The following CFAP61 variants were observed in gnomAD, a reference collection of about 807,000 sequenced individuals.
CFAP61 encodes cilia- and flagella-associated protein 61.
Under a neutral mutation model 135.6 loss-of-function variants are expected in CFAP61, and 107 were observed. The observed-to-expected ratio is 0.79, with a 90% CI of 0.67 to 0.93. The LOEUF (loss-of-function observed/expected upper bound fraction) is 0.93, where lower values mean the gene tolerates loss of function less well. CFAP61 is among the 40% of genes least tolerant of loss of function. The pLI, the probability that CFAP61 is intolerant of heterozygous loss-of-function variation, is 0.00. For missense variants in CFAP61, 1,507 were observed against 1,556.2 expected (o/e 0.97, Z 0.53); for synonymous variants, 575 against 578.5 (o/e 0.99, Z 0.09).
At chr20:20,178,783 A>AT (rs2054828550) in intron 13 of CFAP61, among the ~76,000 whole-genome samples, 1 of 152,098 alleles carries the variant, frequency 6.6e-6, no homozygotes, top group African/African-American at 2.4e-5. Flanking sequence ...GTGTTTTAAC[A>AT]TCGTCAGTCC....
At chr20:20,199,617 T>C (rs2056498042) in intron 16 of CFAP61, 151 bp from the exon 17 acceptor site, 3 of 718,214 alleles carry the variant, frequency 4.2e-6, no homozygotes, top group Middle Eastern at 5.0e-4. Context: ...ATTCCTCTGC[T>C]CGAAGAGTAT....
intron 25 of CFAP61, among the ~76,000 whole-genome samples, chr20:20,323,844 A>G (rs1294424742): frequency 6.6e-6 from 1 of 152,208 alleles, no homozygotes; most frequent in Non-Finnish European, 1.5e-5. Context: ...CAATGTATAT[A>G]TAAACAATAT....
intron 20 of CFAP61, chr20:20,259,888 T>G (rs1047729275): frequency 6.7e-6 from 1 of 149,116 alleles, no homozygotes. Flanking sequence ...CACTGTGCTA[T>G]GGCAAATCAG....
intron 19 of CFAP61, among the ~76,000 whole-genome samples, chr20:20,246,750 A>T (rs2050486960): frequency 6.6e-6 from 1 of 152,238 alleles, no homozygotes; most frequent in African/African-American, 2.4e-5. Context: ...TCCTGTAGCA[A>T]AACATGGCTA....
intron 22 of CFAP61, among the ~76,000 whole-genome samples, chr20:20,278,195 A>C (rs1004606633): frequency 1.3e-5 from 2 of 152,212 alleles, no homozygotes; most frequent in East Asian, 3.9e-4. Context: ...CCCAGTTTAC[A>C]GAGAACGCTG....
chr20:20,243,862 A>T (rs550818969), intron 18 of CFAP61, among the ~76,000 whole-genome samples: 1 of 152,200 alleles, frequency 6.6e-6, no homozygotes, highest in Non-Finnish European at 1.5e-5. Flanking sequence ...TACCTCCTAG[A>T]TACAGTGGGG....
rs2058232416 is a variant in CFAP61, at chr20:20,337,274, G to GTGGA, written c.3423-4543_3423-4540dup. Among the ~76,000 whole-genome samples, 6 of 98,864 alleles carry GTGGA rather than the reference G, an allele frequency of 6.1e-5. 2 individuals are homozygous for GTGGA. The highest frequency in any genetic ancestry group is 1.1e-4 in the African/African-American group (3 of 27,772). The allele number at this position is 98,864 out of a possible 152,430, so 64.9% of individuals were successfully genotyped here. A position where few individuals can be genotyped will look rare whatever the true frequency, so the allele number is the denominator to read the frequency against. ...ATGGATGGATGGACAGAATGGGTGG[G>GTGGA]TGGATGGATGGATGGATAGATGGAT... On this transcript the variant is annotated intron_variant, in intron 25 of 26. Coordinates refer to ENST00000245957, the MANE Select transcript of CFAP61 (RefSeq NM_015585.4).
intron 15 of CFAP61, among the ~76,000 whole-genome samples, chr20:20,194,139 T>G (rs2056121818): frequency 6.6e-6 from 1 of 152,224 alleles, no homozygotes; most frequent in Admixed American, 6.5e-5. Context: ...CATTAATTAT[T>G]TCTTCTCCTC....
rs1317006430 is a variant in CFAP61, at chr20:20,359,120, T to A, written c.3514-1090T>A. ...TTCAACTTGTCTCTGAAAATTTTTA[T>A]AATGAAATGTTAGGAAAATCTCTAC... On this transcript the variant is annotated intron_variant, in intron 26 of 26. Coordinates refer to ENST00000245957, the MANE Select transcript of CFAP61 (RefSeq NM_015585.4). This position sits in a 1 kb window ranked among gnomAD's most constrained non-coding sequence, Gnocchi z 4.0. Among the ~76,000 whole-genome samples the A allele has an allele frequency of 2.0e-5, 3 of 152,206 alleles. No individual in the cohort carries two copies. Among genetic ancestry groups the A allele is most frequent in the African/African-American group, 7.2e-5 (3 of 41,440 alleles).
Position 20,332,812 on chromosome 20 carries a change from C to T in CFAP61, c.3423-9019C>T, listed in dbSNP as rs545787995. Among the ~76,000 whole-genome samples the T allele has an allele frequency of 3.9e-4, 60 of 152,162 alleles. 1 individual carries two copies. The highest frequency in any genetic ancestry group is 7.1e-4 in the Non-Finnish European group (48 of 68,016). Reference sequence around the variant, plus strand: ...ATTTTTTAATTTTTGTAGAGACAAGCGTCTCCCTATGTTGCCCAGACTGGT... The same window carrying T: ...ATTTTTTAATTTTTGTAGAGACAAGTGTCTCCCTATGTTGCCCAGACTGGT... On this transcript the variant is annotated intron_variant, in intron 25 of 26. Coordinates refer to ENST00000245957, the MANE Select transcript of CFAP61 (RefSeq NM_015585.4).
chr20:20,146,671 G>T (rs920043299), intron 9 of CFAP61, among the ~76,000 whole-genome samples: 6 of 152,192 alleles, frequency 3.9e-5, no homozygotes, highest in African/African-American at 1.4e-4. Context: ...CTGGATTTGA[G>T]TCAAAATACT....
At chr20:20,197,716 T>G (rs200655811) in intron 16 of CFAP61, among the ~76,000 whole-genome samples, 3 of 62,398 alleles carry the variant, frequency 4.8e-5, no homozygotes, top group Admixed American at 1.7e-4. Flanking sequence ...TTCCCAAGGG[T>G]TTTTTTTCCT....
chr20:20,127,452 G>A (rs1432116265), intron 8 of CFAP61, among the ~76,000 whole-genome samples: 1 of 151,678 alleles, frequency 6.6e-6, no homozygotes, highest in Admixed American at 6.6e-5. Context: ...TATGGATGTG[G>A]CTTCCTGTGA....
intron 22 of CFAP61, among the ~76,000 whole-genome samples, chr20:20,278,382 C>T (rs2053932161): frequency 6.6e-6 from 1 of 152,184 alleles, no homozygotes; most frequent in South Asian, 2.1e-4. Flanking sequence ...CACCTTCCAG[C>T]CTGCACCCTC....
intron 22 of CFAP61, among the ~76,000 whole-genome samples, chr20:20,279,420 CCAT>C (rs2054015856): frequency 6.6e-6 from 1 of 152,128 alleles, no homozygotes; most frequent in East Asian, 1.9e-4. Context: ...TCTATCCTCA[CCAT>C]AAAGTAAACT....
rs78897164 is a variant in CFAP61 at position 20,226,407 on chromosome 20, A to G, written c.1933-1842A>G. Among the ~76,000 whole-genome samples the G allele has an allele frequency of 8.7e-3, 1,331 of 152,344 alleles. 21 individuals carry two copies. Among genetic ancestry groups the G allele is most frequent in the African/African-American group, 0.031 (1,272 of 41,582 alleles). The stretch of plus-strand genomic sequence containing the variant: ...GACCCACCTGAGTCCAACCTAGATC[A>G]GCCTACTTCCAGCTGACCTAGAATT... On this transcript the variant is annotated intron_variant, in intron 17 of 26. Transcript: ENST00000245957.
At chr20:20,352,392 T>A (rs2058870830) in intron 26 of CFAP61, among the ~76,000 whole-genome samples, 1 of 152,158 alleles carries the variant, frequency 6.6e-6, no homozygotes, top group Non-Finnish European at 1.5e-5. Flanking sequence ...AACACCTCTG[T>A]CTTTCGACAG....
chr20:20,292,592 A>T (rs2055069192), intron 24 of CFAP61, among the ~76,000 whole-genome samples: 1 of 152,222 alleles, frequency 6.6e-6, no homozygotes, highest in African/African-American at 2.4e-5. Flanking sequence ...AGAGGGTTAG[A>T]TCAATGGTCC....
intron 9 of CFAP61, among the ~76,000 whole-genome samples, chr20:20,155,645 A>G (rs1051828803): frequency 6.6e-6 from 1 of 152,182 alleles, no homozygotes; most frequent in African/African-American, 2.4e-5. Flanking sequence ...AGATTTACAA[A>G]CAGCCAACAA....
Sources: gnomAD v4.1 joint callset for allele counts (sites outside exome capture counted in the v4.1 genomes callset) on GRCh38, gnomAD v4.1.1 for gene constraint, Gnocchi (gnomAD v3.1) non-coding constraint, MANE v1.5 for transcripts, NCBI Gene and HGNC (gene_info 2026-07-23, HGNC 2026-07-21) for gene names.